The following DDX50 variants were observed in gnomAD, a reference collection of about 807,000 sequenced individuals.
DDX50 encodes DExD-box helicase 50.
In DDX50, 56 loss-of-function variants were observed where a neutral mutation model predicts 94.8. The ratio of observed to expected loss-of-function variants is 0.59; its 90% CI spans 0.48 to 0.74. DDX50 has a LOEUF of 0.74. Among genes scored for constraint, DDX50 ranks in the 30% least tolerant of loss-of-function variants. The probability of loss-of-function intolerance (pLI) is 0.00; values close to 1 mark genes in which losing one functional copy is unlikely to be tolerated. For synonymous variants in DDX50, 264 were observed against 295.4 expected (o/e 0.89, Z 1.09); for missense variants, 713 against 881.2 (o/e 0.81, Z 2.42).
At chr10:68,925,094 GGTTTTTT>G (rs568598087) in intron 8 of DDX50, among the ~76,000 whole-genome samples, 4,012 of 89,034 alleles carry the variant, frequency 0.045, 236 homozygotes, top group African/African-American at 0.14. Flanking sequence ...CCCTGCTCAT[GGTTTTTT>G]TTTTTTTTTT....
chr10:68,921,984 C>T (rs1841953866), intron 8 of DDX50, among the ~76,000 whole-genome samples: 1 of 152,096 alleles, frequency 6.6e-6, no homozygotes, highest in African/African-American at 2.4e-5. Context: ...ACGCAGTGTA[C>T]ACTTTCAATT....
intron 1 of DDX50, 84 bp downstream of exon 1, chr10:68,901,555 G>C: frequency 1.4e-6 from 2 of 1,407,468 alleles, no homozygotes; most frequent in Admixed American, 4.6e-5. Flanking sequence ...ATGATGGCCT[G>C]TCAGAACCGG....
At chr10:68,920,006 C>G in intron 8 of DDX50, 25 bp downstream of exon 8, 1 of 1,612,322 alleles carries the variant, frequency 6.2e-7, no homozygotes, top group African/African-American at 1.3e-5. Flanking sequence ...CATGCTTTCT[C>G]TAATTGAAAT....
intron 7 of DDX50, among the ~76,000 whole-genome samples, chr10:68,919,586 T>C (rs998543226): frequency 6.6e-6 from 1 of 152,210 alleles, no homozygotes; most frequent in African/African-American, 2.4e-5. Context: ...GTTCCATGTA[T>C]ATCAGTAGTT....
chr10:68,901,532 C>G, intron 1 of DDX50, 61 bp downstream of exon 1: 1 of 1,498,500 alleles, frequency 6.7e-7, no homozygotes, highest in Non-Finnish European at 9.0e-7. Context: ...GGGAGGGGAA[C>G]TGTCTGTCCC....
At chr10:68,902,712 C>T (rs80265227) in intron 1 of DDX50, among the ~76,000 whole-genome samples, 5,779 of 151,896 alleles carry the variant, frequency 0.038, 345 homozygotes, top group African/African-American at 0.13. Flanking sequence ...AAGCAGAAAA[C>T]CAAGCAGGTA....
intron 13 of DDX50, 65 bp from the exon 14 acceptor site, chr10:68,943,147 AG>A: frequency 6.9e-7 from 1 of 1,459,712 alleles, no homozygotes; most frequent in East Asian, 2.3e-5. Flanking sequence ...ATGCATTATT[AG>A]TAAAACAAAA....
At position 68,910,324 on chromosome 10, in the gene DDX50, GA is replaced by G; in HGVS notation, c.405del (p.Glu136LysfsTer14). On this transcript the variant is annotated frameshift_variant, in exon 3 of 15. Transcript: ENST00000373585. LOFTEE classifies it high-confidence loss of function. ...KLEETLTREQKEGAFSNFPIS... is the reference protein window; with the variant it reads ...KLEETLTREQXEGAFSNFPIS... ...TTTTACAGACCTTAACACGTGAACA[GA>G]AAGAAGGAGCCTTCTCCAATTTTCC... 6.2e-7 allele frequency: 1 copy of G among 1,607,628 alleles called. No homozygotes were observed. The highest frequency in any genetic ancestry group is 2.2e-5 in the East Asian group (1 of 44,694).
At position 68,910,335 on chromosome 10, in the gene DDX50, C is replaced by G. The variant is rs759491146; in HGVS notation, c.413C>G (p.Ala138Gly). The stretch of plus-strand genomic sequence containing the variant: ...TTAACACGTGAACAGAAAGAAGGAG[C>G]CTTCTCCAATTTTCCTATTTCTGAA... ...ETLTREQKEG[A>G]FSNFPISEET... is the part of the protein sequence containing the mutation. The change falls in exon 3 of 15, where the codon GCC (alanine) becomes GGC (glycine). Residue 138 changes from alanine (A) to glycine (G), a missense_variant. Transcript: ENST00000373585. 1.3e-5 allele frequency: 21 copies of G among 1,606,788 alleles called. No homozygotes were observed. The highest frequency in any genetic ancestry group is 1.4e-5 in the Non-Finnish European group (16 of 1,178,226).
chr10:68,910,576 T>C (rs1376191451), intron 3 of DDX50, among the ~76,000 whole-genome samples, 194 bp downstream of exon 3: 2 of 152,178 alleles, frequency 1.3e-5, no homozygotes, highest in Admixed American at 1.3e-4. Context: ...CTAAGTTTCA[T>C]ATTTTTAGTA....
At chr10:68,916,960 A>G (rs1841811358) in intron 7 of DDX50, among the ~76,000 whole-genome samples, 1 of 152,162 alleles carries the variant, frequency 6.6e-6, no homozygotes, top group Admixed American at 6.5e-5. Context: ...TGCTGGGGTT[A>G]CAGGCGTGAG....
chr10:68,912,715 C>T (rs1218245006), intron 4 of DDX50, among the ~76,000 whole-genome samples: 2 of 152,216 alleles, frequency 1.3e-5, no homozygotes, highest in Non-Finnish European at 2.9e-5. Flanking sequence ...TAGTTCCTAG[C>T]ACATGGTGAA....
chr10:68,908,451 CAAAAAAAAAA>C (rs71223162), intron 2 of DDX50, among the ~76,000 whole-genome samples: 6 of 43,710 alleles, frequency 1.4e-4, no homozygotes, highest in African/African-American at 4.4e-4. Flanking sequence ...AACTCCATCT[CAAAAAAAAAA>C]AAAAAAAAAA....
chr10:68,923,973 A>G (rs1482851466), intron 8 of DDX50, among the ~76,000 whole-genome samples: 2 of 110,924 alleles, frequency 1.8e-5, no homozygotes, highest in Non-Finnish European at 3.4e-5. Context: ...TTTTTGAGAC[A>G]GAGTCAAGCT....
chr10:68,915,599 C>T (rs1841763736), intron 7 of DDX50, among the ~76,000 whole-genome samples: 1 of 151,584 alleles, frequency 6.6e-6, no homozygotes, highest in Non-Finnish European at 1.5e-5. Flanking sequence ...ACCTGTAATC[C>T]CAGCTACTTA....
At chr10:68,924,500 C>T (rs1171459751) in intron 8 of DDX50, among the ~76,000 whole-genome samples, 1 of 152,074 alleles carries the variant, frequency 6.6e-6, no homozygotes, top group Non-Finnish European at 1.5e-5. Context: ...TGAGATTTGA[C>T]TGTGATCTCT....
intron 12 of DDX50, 25 bp from the exon 13 acceptor site, chr10:68,941,035 C>T: frequency 6.3e-7 from 1 of 1,592,316 alleles, no homozygotes; most frequent in African/African-American, 1.4e-5. Context: ...TATTTCCAAA[C>T]ATAATGTGGT....
chr10:68,929,335 C>A (rs1842184150), intron 8 of DDX50, among the ~76,000 whole-genome samples: 1 of 145,942 alleles, frequency 6.9e-6, no homozygotes. Context: ...TTCTTTCTTT[C>A]CTTCCTTCCT....
Position 68,914,055 on chromosome 10 carries a change from T to C in DDX50, c.944-4T>C. ...AACATTTGAATTCTTTTTGTTTATTTAAGATTCTGAAGACAATCCTCAGAC... is the reference window on the plus strand; with the variant it reads ...AACATTTGAATTCTTTTTGTTTATTCAAGATTCTGAAGACAATCCTCAGAC... On this transcript the variant is annotated splice_region_variant and splice_polypyrimidine_tract_variant and intron_variant, in intron 6 of 14. Transcript: ENST00000373585. 1.3e-6 allele frequency: 2 copies of C among 1,577,842 alleles called. No homozygotes were observed. The highest frequency in any genetic ancestry group is 1.9e-4 in the Middle Eastern group (1 of 5,282).
Sources: allele counts gnomAD v4.1 joint callset (sites outside exome capture counted in the v4.1 genomes callset), GRCh38; gene constraint gnomAD v4.1.1; transcripts MANE v1.5; gene names NCBI Gene and HGNC (gene_info 2026-07-23, HGNC 2026-07-21).